ACOT11: variants seen among roughly 807,000 people sequenced by gnomAD.
The protein encoded by ACOT11 is acyl-CoA thioesterase 11.
ACOT11 carries 69 observed loss-of-function variants against 77.5 expected under a neutral mutation model. That is an observed-to-expected ratio of 0.89 (90% CI 0.73 to 1.09). ACOT11 has a LOEUF of 1.09. Among genes scored for constraint, ACOT11 ranks in the 50% least tolerant of loss-of-function variants. The pLI is 0.00. For synonymous variants in ACOT11, 279 were observed against 313.0 expected (o/e 0.89, Z 1.15); for missense variants, 766 against 813.7 (o/e 0.94, Z 0.71).
intron 3 of ACOT11, among the ~76,000 whole-genome samples, chr1:54,590,375 C>T (rs945009033): frequency 3.2e-4 from 48 of 152,058 alleles, no homozygotes; most frequent in African/African-American, 1.1e-3. Flanking sequence ...GAAGGGTGTC[C>T]GGGAGCTCCG....
At chr1:54,564,657 A>C (rs1037873563) in intron 1 of ACOT11, among the ~76,000 whole-genome samples, 3 of 152,138 alleles carry the variant, frequency 2.0e-5, no homozygotes, top group Admixed American at 6.5e-5. Context: ...GAGAGACCCA[A>C]TTCCTCTTTT....
chr1:54,548,400 G>A, intron 1 of ACOT11, 58 bp downstream of exon 1: 2 of 1,557,080 alleles, frequency 1.3e-6, no homozygotes, highest in Non-Finnish European at 1.7e-6. Flanking sequence ...CCCAGAAAGA[G>A]ATTGATGTTT....
At chr1:54,568,659 T>C (rs413025) in intron 1 of ACOT11, among the ~76,000 whole-genome samples, 44,962 of 151,730 alleles carry the variant, frequency 0.3, 9,108 homozygotes, top group African/African-American at 0.56. Context: ...CCACCATGCC[T>C]CTGGCCCCCA....
chr1:54,564,308 T>A (rs1653660121), intron 1 of ACOT11, among the ~76,000 whole-genome samples: 1 of 152,126 alleles, frequency 6.6e-6, no homozygotes, highest in Non-Finnish European at 1.5e-5. Flanking sequence ...CTTTACGTCG[T>A]CTGTTATTCA....
At chr1:54,568,498 G>A (rs1054181289) in intron 1 of ACOT11, among the ~76,000 whole-genome samples, 12 of 151,620 alleles carry the variant, frequency 7.9e-5, no homozygotes, top group African/African-American at 2.9e-4. Flanking sequence ...CCAAGTAGCT[G>A]GGATTACAGG....
intron 1 of ACOT11, among the ~76,000 whole-genome samples, chr1:54,578,676 G>A (rs1357358213): frequency 6.6e-6 from 1 of 151,984 alleles, no homozygotes; most frequent in Non-Finnish European, 1.5e-5. Context: ...CTCTATCCAG[G>A]CCTCCTTTCC....
chr1:54,566,476 C>T (rs1307300612), intron 1 of ACOT11, among the ~76,000 whole-genome samples: 8 of 146,910 alleles, frequency 5.4e-5, no homozygotes, highest in Admixed American at 6.8e-5. Flanking sequence ...AAAAAAAAGC[C>T]GAGTGTGAAT....
intron 15 of ACOT11, among the ~76,000 whole-genome samples, chr1:54,624,138 G>T (rs1644257347): frequency 6.6e-6 from 1 of 152,182 alleles, no homozygotes. Flanking sequence ...TGGGAAGCAA[G>T]TTAGAGGCTG....
exon 17 of ACOT11, chr1:54,635,685 TG>T (rs1644326677): frequency 6.1e-6 from 1 of 164,766 alleles, no homozygotes; most frequent in South Asian, 1.5e-4. Flanking sequence ...ATTTCAATGA[TG>T]ACTATGCTTT....
chr1:54,601,194 A>AGT, intron 8 of ACOT11, 75 bp from the exon 9 acceptor site: 1 of 1,503,484 alleles, frequency 6.7e-7, no homozygotes. Context: ...TGTGTGTGTG[A>AGT]GTGTGTGTGT....
intron 1 of ACOT11, among the ~76,000 whole-genome samples, chr1:54,551,145 A>G (rs550570541): frequency 8.3e-4 from 125 of 151,182 alleles, no homozygotes; most frequent in African/African-American, 2.8e-3. Context: ...AAAAAAAAAA[A>G]AAAAGAAAAA....
intron 15 of ACOT11, among the ~76,000 whole-genome samples, chr1:54,621,237 A>G (rs886700811): frequency 6.6e-6 from 1 of 151,238 alleles, no homozygotes; most frequent in African/African-American, 2.4e-5. Flanking sequence ...CAGGCGGATC[A>G]CCTGAGTTCA....
chr1:54,607,877 C>T lies in ACOT11; in HGVS notation c.1503-65C>T. ...GGGCAGGGTCTCGGCCTTGGTTGGG[C>T]AGAACAGGCCCCCACTTTCTTCTGT... On this transcript the variant is annotated intron_variant, in intron 14 of 15. Coordinates refer to ENST00000343744, the MANE Select transcript of ACOT11 (RefSeq NM_147161.4). The surrounding 1 kb of genome is among the most constrained non-coding windows in gnomAD (Gnocchi z 4.5). 6.3e-7 allele frequency: 1 copy of T among 1,599,304 alleles called. No individual in the cohort carries two copies. Among genetic ancestry groups the T allele is most frequent in the Non-Finnish European group, 8.5e-7 (1 of 1,170,998 alleles).
intron 1 of ACOT11, among the ~76,000 whole-genome samples, chr1:54,573,902 G>T (rs541175307): frequency 3.1e-4 from 47 of 151,778 alleles, no homozygotes; most frequent in African/African-American, 1.1e-3. Flanking sequence ...GATGGCGCAT[G>T]CCTGTAATCC....
chr1:54,591,665 C>T (rs545866355), intron 3 of ACOT11, among the ~76,000 whole-genome samples: 5 of 152,340 alleles, frequency 3.3e-5, no homozygotes, highest in African/African-American at 9.6e-5. Flanking sequence ...CCCTCTGCCC[C>T]CTCCATTAGG....
intron 1 of ACOT11, among the ~76,000 whole-genome samples, chr1:54,560,549 G>A (rs1019000911): frequency 6.6e-6 from 1 of 152,138 alleles, no homozygotes; most frequent in Admixed American, 6.5e-5. Context: ...GTTTTCTCGA[G>A]ACAAGGTCTC....
intron 1 of ACOT11, among the ~76,000 whole-genome samples, chr1:54,565,020 A>G (rs1053162660): frequency 3.3e-5 from 5 of 152,166 alleles, no homozygotes; most frequent in African/African-American, 1.2e-4. Context: ...AAGAGAGTCC[A>G]AGGGGAAAAG....
intron 15 of ACOT11, chr1:54,621,716 G>T: frequency 6.5e-6 from 1 of 152,882 alleles, no homozygotes. Context: ...GAGGGCAGAG[G>T]GCAGAAAGGC....
At chr1:54,634,182 T>C (rs1006432848) in intron 16 of ACOT11, among the ~76,000 whole-genome samples, 1 of 152,254 alleles carries the variant, frequency 6.6e-6, no homozygotes, top group East Asian at 1.9e-4. Context: ...CAAACCCATT[T>C]AGCTGACTTT....
Sources: gnomAD v4.1 joint callset for allele counts (sites outside exome capture counted in the v4.1 genomes callset) on GRCh38, gnomAD v4.1.1 for gene constraint, Gnocchi (gnomAD v3.1) non-coding constraint, MANE v1.5 for transcripts, NCBI Gene and HGNC (gene_info 2026-07-23, HGNC 2026-07-21) for gene names.